FSTL4: variants seen among roughly 807,000 people sequenced by gnomAD.
FSTL4 encodes the protein follistatin-related protein 4.
A neutral mutation model predicts 78.2 loss-of-function variants in FSTL4; 28 were observed. The ratio of observed to expected loss-of-function variants is 0.36; its 90% CI spans 0.27 to 0.49. The LOEUF is 0.49. FSTL4 is among the 20% of genes least tolerant of loss of function. The probability of loss-of-function intolerance (pLI) is 0.98; values close to 1 mark genes in which losing one functional copy is unlikely to be tolerated. For missense variants in FSTL4, 922 were observed against 1,084.9 expected (o/e 0.85, Z 2.11); for synonymous variants, 422 against 440.5 (o/e 0.96, Z 0.53).
the FSTL4 span, among the ~76,000 whole-genome samples, chr5:133,787,499 G>A: frequency 6.6e-6 from 1 of 152,158 alleles, no homozygotes; most frequent in African/African-American, 2.4e-5. Context: ...AGGAGCACGG[G>A]GCCTGAACTG....
chr5:133,560,531 T>C (rs1045794496), intron 3 of FSTL4, among the ~76,000 whole-genome samples: 1 of 152,004 alleles, frequency 6.6e-6, no homozygotes, highest in Non-Finnish European at 1.5e-5. Context: ...GCTTGGCTAA[T>C]TTTTTGTATT....
chr5:133,426,871 T>C lies in FSTL4; in HGVS notation c.161-25885A>G, dbSNP rs1186051398. Among the ~76,000 whole-genome samples, 1 of 152,196 alleles carries C rather than the reference T, an allele frequency of 6.6e-6. No homozygotes were observed. The highest frequency in any genetic ancestry group is 6.5e-5 in the Admixed American group (1 of 15,286). On this transcript the variant is annotated intron_variant, in intron 3 of 15. Coordinates refer to ENST00000265342, the MANE Select transcript of FSTL4 (RefSeq NM_015082.2). This position sits in a 1 kb window ranked among gnomAD's most constrained non-coding sequence, Gnocchi z 5.0. Reference sequence around the variant, plus strand: ...TCCTTTTTCCGAAAGTCAGCACAAGTTCTGGGAGGAGTAAGCTGAGATTTC... The same window carrying C: ...TCCTTTTTCCGAAAGTCAGCACAAGCTCTGGGAGGAGTAAGCTGAGATTTC...
the FSTL4 span, among the ~76,000 whole-genome samples, chr5:133,737,281 C>G: frequency 6.7e-6 from 1 of 148,202 alleles, no homozygotes; most frequent in African/African-American, 2.5e-5. Context: ...CCTCTGGTAA[C>G]AATCCTTTTA....
At chr5:133,398,460 T>C (rs1442916034) in intron 4 of FSTL4, among the ~76,000 whole-genome samples, 1 of 152,120 alleles carries the variant, frequency 6.6e-6, no homozygotes, top group East Asian at 1.9e-4. Flanking sequence ...CCAGCTACCA[T>C]TAAATAATCT....
chr5:133,784,830 A>G, the FSTL4 span, among the ~76,000 whole-genome samples: 1 of 152,116 alleles, frequency 6.6e-6, no homozygotes, highest in African/African-American at 2.4e-5. Flanking sequence ...GTGTGTTTCT[A>G]TGAGTGGCTG....
the FSTL4 span, among the ~76,000 whole-genome samples, chr5:133,657,577 TGCCCATAGGCACCTTC>T: frequency 1.4e-4 from 22 of 152,234 alleles, no homozygotes; most frequent in African/African-American, 5.3e-4. Context: ...TGTTCTTTTC[TGCCCATAGGCACCTTC>T]TCTAATGTAT....
intron 3 of FSTL4, among the ~76,000 whole-genome samples, chr5:133,474,779 A>C (rs1757894728): frequency 6.6e-6 from 1 of 152,214 alleles, no homozygotes; most frequent in Non-Finnish European, 1.5e-5. Flanking sequence ...CCTCTGTCTT[A>C]GCAGCTTCCT....
chr5:133,669,394 G>T, the FSTL4 span, among the ~76,000 whole-genome samples: 1 of 152,216 alleles, frequency 6.6e-6, no homozygotes, highest in Non-Finnish European at 1.5e-5. Context: ...TTCACAGCCT[G>T]ACCAAAAGTG....
In FSTL4 at chr5:133,342,249, G is replaced by C. The variant is rs546061417; in HGVS notation, c.410-25597C>G. ...CCCCCATGTGGCTGCAGAGAGAGGC[G>C]GCAGAGGTAGGAGGAGAAGCTGTGG... On this transcript the variant is annotated intron_variant, in intron 4 of 15. Coordinates refer to ENST00000265342, the MANE Select transcript of FSTL4 (RefSeq NM_015082.2). Among the ~76,000 whole-genome samples, 199 of 152,242 alleles carry C rather than the reference G, an allele frequency of 1.3e-3. 1 individual carries two copies. The highest frequency in any genetic ancestry group is 4.4e-3 in the African/African-American group (181 of 41,544).
chr5:133,426,688 CT>C lies in FSTL4; in HGVS notation c.161-25703del, dbSNP rs1561712715. Reference sequence around the variant, plus strand: ...GCAATGGGGGCTATGGAGGAGCAATCTCTGGCTGGAGGCACAAGCCTCAGTC... The same window carrying C: ...GCAATGGGGGCTATGGAGGAGCAATCCTGGCTGGAGGCACAAGCCTCAGTC... On this transcript the variant is annotated intron_variant, in intron 3 of 15. Transcript: ENST00000265342. This position sits in a 1 kb window ranked among gnomAD's most constrained non-coding sequence, Gnocchi z 5.0. Among the ~76,000 whole-genome samples the C allele has an allele frequency of 6.6e-6, 1 of 152,144 alleles. No homozygotes were observed. Among genetic ancestry groups the C allele is most frequent in the Non-Finnish European group, 1.5e-5 (1 of 68,028 alleles).
intron 3 of FSTL4, among the ~76,000 whole-genome samples, chr5:133,518,994 GA>G (rs1216036611): frequency 1.3e-5 from 2 of 152,182 alleles, no homozygotes; most frequent in Non-Finnish European, 2.9e-5. Flanking sequence ...AGTGAAAGAA[GA>G]AAGACTATTA....
intron 3 of FSTL4, among the ~76,000 whole-genome samples, chr5:133,520,114 G>T (rs1758945552): frequency 2.0e-5 from 3 of 151,970 alleles, no homozygotes; most frequent in Admixed American, 2.0e-4. Flanking sequence ...TCCTTTCTCA[G>T]GACCCTCCCT....
intron 3 of FSTL4, among the ~76,000 whole-genome samples, chr5:133,529,301 T>G (rs1308986876): frequency 6.6e-6 from 1 of 152,210 alleles, no homozygotes; most frequent in East Asian, 1.9e-4. Context: ...CCAGAATCCA[T>G]GTTTTAATTA....
chr5:133,371,484 T>G (rs1755298812), intron 4 of FSTL4, among the ~76,000 whole-genome samples: 1 of 152,182 alleles, frequency 6.6e-6, no homozygotes, highest in South Asian at 2.1e-4. Context: ...TGACTCCTGG[T>G]GGCAGGACGG....
chr5:133,472,436 A>G (rs1580731125), intron 3 of FSTL4, among the ~76,000 whole-genome samples: 1 of 152,212 alleles, frequency 6.6e-6, no homozygotes, highest in East Asian at 1.9e-4. Flanking sequence ...TAGAATAAGA[A>G]AAAGAGGCTC....
At chr5:133,274,379 G>A (rs1752830878) in intron 6 of FSTL4, among the ~76,000 whole-genome samples, 1 of 4,516 alleles carries the variant, frequency 2.2e-4, no homozygotes, top group Non-Finnish European at 4.2e-4. Context: ...GGCAATCTGT[G>A]CTTTTTTTTT....
the FSTL4 span, among the ~76,000 whole-genome samples, chr5:133,798,467 G>C: frequency 6.6e-6 from 1 of 150,862 alleles, no homozygotes; most frequent in African/African-American, 2.4e-5. Context: ...TTGTTTCCTG[G>C]ACATGGTTTT....
chr5:133,276,112 CTCAAG>C (rs1479838293), intron 6 of FSTL4: 2 of 152,198 alleles, frequency 1.3e-5, no homozygotes, highest in African/African-American at 2.4e-5. Context: ...CTAAATATAA[CTCAAG>C]TCAACAGAGA....
intron 3 of FSTL4, 81 bp from the exon 4 acceptor site, chr5:133,401,067 G>T: frequency 2.0e-6 from 3 of 1,513,962 alleles, no homozygotes; most frequent in Non-Finnish European, 2.7e-6. Flanking sequence ...TAGCTCACAA[G>T]CACAGACTCC....
Sources: gnomAD v4.1 joint callset for allele counts (sites outside exome capture counted in the v4.1 genomes callset) on GRCh38, gnomAD v4.1.1 for gene constraint, Gnocchi (gnomAD v3.1) non-coding constraint, MANE v1.5 for transcripts, NCBI Gene and HGNC (gene_info 2026-07-23, HGNC 2026-07-21) for gene names.